Variants in ADSL observed in about 807,000 individuals in gnomAD.
The protein encoded by ADSL is adenylosuccinase.
Under a neutral mutation model 62.1 loss-of-function variants are expected in ADSL, and 44 were observed. That is an observed-to-expected ratio of 0.71 (90% confidence interval 0.56 to 0.91). ADSL has a LOEUF of 0.91. Among genes scored for constraint, ADSL ranks in the 40% least tolerant of loss-of-function variants. The pLI is 0.00. For synonymous variants in ADSL, 198 were observed against 220.5 expected (o/e 0.90, Z 0.90); for missense variants, 531 against 627.4 (o/e 0.85, Z 1.64).
intron 10 of ADSL, among the ~76,000 whole-genome samples, chr22:40,363,794 T>C (rs1024498341): frequency 9.2e-5 from 14 of 151,674 alleles, no homozygotes; most frequent in African/African-American, 3.1e-4. Flanking sequence ...AATATTTCCT[T>C]TTTAAAAATC....
intron 6 of ADSL, among the ~76,000 whole-genome samples, chr22:40,359,770 C>T (rs1263106096): frequency 6.6e-6 from 1 of 152,082 alleles, no homozygotes; most frequent in African/African-American, 2.4e-5. Context: ...TGAGATCAAG[C>T]GATCCACCTG....
chr22:40,353,670 G>T (rs1445630350), intron 3 of ADSL, among the ~76,000 whole-genome samples: 1 of 130,034 alleles, frequency 7.7e-6, no homozygotes, highest in Non-Finnish European at 1.5e-5. Flanking sequence ...CAGTTACCCA[G>T]GCTGGAGTGC....
chr22:40,374,195 G>A (rs1389844303), downstream of ADSL, among the ~76,000 whole-genome samples: 2 of 152,014 alleles, frequency 1.3e-5, no homozygotes, highest in Non-Finnish European at 2.9e-5. Context: ...CTCGTGATCC[G>A]CCTGCCTCGG....
chr22:40,352,554 G>A (rs1397055653), intron 2 of ADSL, among the ~76,000 whole-genome samples: 1 of 152,060 alleles, frequency 6.6e-6, no homozygotes, highest in African/African-American at 2.4e-5. Flanking sequence ...GAAAACGGGA[G>A]GAAAGTAATG....
At chr22:40,364,149 C>T in intron 10 of ADSL, 127 bp from the exon 11 acceptor site, 1 of 750,724 alleles carries the variant, frequency 1.3e-6, no homozygotes, top group Non-Finnish European at 2.3e-6. Flanking sequence ...TAGAATAAAA[C>T]AACTTGTTAC....
chr22:40,365,108 CTCTT>C, intron 12 of ADSL, 52 bp downstream of exon 12: 1 of 1,560,382 alleles, frequency 6.4e-7, no homozygotes, highest in Non-Finnish European at 8.8e-7. Context: ...CTGGGGTACT[CTCTT>C]TGATGTTTTT....
chr22:40,346,611 C>T lies in ADSL; in HGVS notation c.53C>T (p.Ala18Val). 1 of 1,609,350 alleles carries T rather than the reference C, an allele frequency of 6.2e-7. No homozygotes were observed. ...CCCGACAGCTACCGCTCACCTCTTG[C>T]CTCCCGCTATGCCAGCCCGGAGATG... is the stretch of plus-strand genomic sequence containing the variant. ...GSPDSYRSPL[A>V]SRYASPEMCF... Residue 18 changes from alanine to valine, a missense_variant, in exon 1 of 13, where the codon GCC becomes GTC. Ala to Val is a moderately conservative substitution (Grantham distance 64, BLOSUM62 0). Around this residue, in one of 2 missense-constraint regions of ADSL, gnomAD observed 60 missense variants for 34.5 expected, o/e 1.74. Coordinates refer to ENST00000623063, the MANE Select transcript of ADSL (RefSeq NM_000026.4).
At chr22:40,384,576 C>T (rs939262541) in intron 2 of ADSL, among the ~76,000 whole-genome samples, 5 of 152,116 alleles carry the variant, frequency 3.3e-5, no homozygotes, top group African/African-American at 1.2e-4. Context: ...GTCAGGAGAT[C>T]GAGACCATCC....
rs1046239026 is a variant in ADSL at position 40,364,126 on chromosome 22, A to C, written c.1102-150A>C. The C allele has an allele frequency of 5.7e-6, 4 of 699,572 alleles. No individual in the cohort carries two copies. The African/African-American group carries it at 7.2e-5, about 13-fold the overall frequency. 43.3% of individuals were successfully genotyped at this position (699,572 alleles called of 1,614,324 possible). A position where few individuals can be genotyped will look rare whatever the true frequency, so the allele number is the denominator to read the frequency against. On this transcript the variant is annotated intron_variant, in intron 10 of 12. Transcript: ENST00000623063. ...GAAGTCTGAGTTAGTAAGAAAACTGAAAAAACATCATATAGAATAAAACAA... is the reference window on the plus strand; with the variant it reads ...GAAGTCTGAGTTAGTAAGAAAACTGCAAAAACATCATATAGAATAAAACAA...
At chr22:40,361,404 G>C in intron 8 of ADSL, 62 bp downstream of exon 8, 4 of 1,612,216 alleles carry the variant, frequency 2.5e-6, no homozygotes, top group Non-Finnish European at 3.4e-6. Flanking sequence ...GATGGGGGCT[G>C]AGAGCTCATT....
At chr22:40,352,294 G>A (rs1337094509) in intron 2 of ADSL, among the ~76,000 whole-genome samples, 1 of 152,120 alleles carries the variant, frequency 6.6e-6, no homozygotes, top group Non-Finnish European at 1.5e-5. Context: ...TTGGGAGGCC[G>A]AGGTGGGCGG....
At chr22:40,359,066 A>T in intron 5 of ADSL, 31 bp downstream of exon 5, 1 of 1,613,152 alleles carries the variant, frequency 6.2e-7, no homozygotes, top group Non-Finnish European at 8.5e-7. Context: ...AGGACACAGA[A>T]ACTCAATGGT....
At chr22:40,380,648 T>C (rs2047418521) in intron 2 of ADSL, among the ~76,000 whole-genome samples, 2 of 152,136 alleles carry the variant, frequency 1.3e-5, no homozygotes, top group South Asian at 4.1e-4. Flanking sequence ...TATAACTTTA[T>C]AATCATAAAA....
rs758620518 is a variant in ADSL at position 40,361,343 on chromosome 22, G to T, written c.862+1G>T. 6.2e-7 allele frequency: 1 copy of T among 1,614,098 alleles called. No homozygotes were observed. Among genetic ancestry groups the T allele is most frequent in the South Asian group, 1.1e-5 (1 of 91,080 alleles). ...GAACCCTTTGAAAAACAGCAGATTG[G>T]TGAGTGCTGTGTAGAGACCTGTGAG... On this transcript the variant is annotated splice_donor_variant, in intron 8 of 12. Transcript: ENST00000623063. LOFTEE classifies it high-confidence loss of function.
chr22:40,374,260 G>C (rs924184935), downstream of ADSL, among the ~76,000 whole-genome samples: 6 of 152,076 alleles, frequency 3.9e-5, no homozygotes, highest in African/African-American at 1.4e-4. Context: ...CCAATAGGGC[G>C]GTTTTTATAG....
In ADSL at chr22:40,347,976, C is replaced by G. The variant is rs2735672; in HGVS notation, c.153+1265C>G. 2.4e-3 allele frequency among the ~76,000 whole-genome samples: 360 copies of G among 152,258 alleles called. 1 individual carries two copies. The highest frequency in any genetic ancestry group is 1.5e-3 in the Non-Finnish European group (102 of 68,030). ...GTGGTACTCAAGACTTTGCCAGGGTCGCCAAAGCTAGTAAATGGCTTCAAG... is the reference window on the plus strand; with the variant it reads ...GTGGTACTCAAGACTTTGCCAGGGTGGCCAAAGCTAGTAAATGGCTTCAAG... On this transcript the variant is annotated intron_variant, in intron 1 of 12. Transcript: ENST00000623063.
intron 2 of ADSL, among the ~76,000 whole-genome samples, chr22:40,385,996 C>T (rs931814128): frequency 2.0e-5 from 3 of 151,706 alleles, no homozygotes; most frequent in Non-Finnish European, 2.9e-5. Context: ...GGACTACAGG[C>T]GCACGCCACC....
rs1369633328 is a variant in ADSL, at chr22:40,346,571, G to T, written c.13G>T (p.Gly5Cys). 1.2e-6 allele frequency: 2 copies of T among 1,605,150 alleles called. No homozygotes were observed. The highest frequency in any genetic ancestry group is 1.7e-6 in the Non-Finnish European group (2 of 1,177,074). MAAG[G>C]DHGSPDSYRS... is the part of the protein sequence containing the mutation. The stretch of plus-strand genomic sequence containing the variant: ...TCGCAGGGTTGGGATGGCGGCTGGA[G>T]GCGATCATGGTTCGCCCGACAGCTA... Residue 5 changes from glycine to cysteine, a missense_variant, in exon 1 of 13, where the codon GGC becomes TGC. Physicochemically the swap from Gly to Cys is radical, Grantham distance 159. Coordinates refer to ENST00000623063, the MANE Select transcript of ADSL (RefSeq NM_000026.4).
Position 40,358,910 on chromosome 22 carries a change from C to T in ADSL, c.529C>T (p.Gln177Ter), listed in dbSNP as rs1414278666. ...TGGGAAACGTTGCTGTCTTTGGATT[C>T]AGGATCTTTGCATGGATCTCCAGAA... ...TVGKRCCLWI[Q>*]DLCMDLQNLK... Residue 177 changes from glutamine (Q) to a stop codon, truncating the protein, a stop_gained, in exon 5 of 13, where the codon CAG becomes TAG. Transcript: ENST00000623063. LOFTEE classifies it high-confidence loss of function. 6.2e-7 allele frequency: 1 copy of T among 1,614,174 alleles called. No homozygotes were observed. The highest frequency in any genetic ancestry group is 8.5e-7 in the Non-Finnish European group (1 of 1,180,034).
Sources: allele counts gnomAD v4.1 joint callset (sites outside exome capture counted in the v4.1 genomes callset), GRCh38; gene constraint gnomAD v4.1.1; regional missense constraint gnomAD v4.1.1; transcripts MANE v1.5; gene names NCBI Gene and HGNC (gene_info 2026-07-23, HGNC 2026-07-21).